The following RBMX variants were observed in gnomAD, a reference collection of about 807,000 sequenced individuals.
RBMX encodes RNA-binding motif protein, X chromosome.
In RBMX, 1 loss-of-function variant was observed where a neutral mutation model predicts 29.3. That is an observed-to-expected ratio of 0.03 (90% CI 0.01 to 0.16). The LOEUF is 0.16. Ranked by LOEUF, RBMX falls within the 10% of genes least tolerant of loss-of-function variation. The probability of loss-of-function intolerance (pLI) is 1.00; values close to 1 mark genes in which losing one functional copy is unlikely to be tolerated. For missense variants in RBMX, 121 were observed against 333.2 expected, an observed-to-expected ratio of 0.36 and a Z score of 4.96; for synonymous variants, 102 against 102.3, an observed-to-expected ratio of 1.00 and a Z score of 0.02.
At chrX:136,870,229 C>A (rs1274487216), downstream of RBMX, 6 of 112,368 alleles carry the variant, frequency 5.3e-5, no homozygotes, top group Non-Finnish European at 1.1e-4. Context: ...TCCATTTGGT[C>A]AATTACTTGC....
At chrX:136,879,658 TTAA>T (rs1379007982) in intron 1 of RBMX, among the ~76,000 whole-genome samples, 21 of 112,053 alleles carry the variant, frequency 1.9e-4, no homozygotes, top group Non-Finnish European at 3.8e-4. Context: ...ATAAAACTGG[TTAA>T]AAGGGCCAAC....
At chrX:136,880,563 C>T (rs1174341525) in intron 1 of RBMX, 34 bp downstream of exon 1, 1 of 113,442 alleles carries the variant, frequency 8.8e-6, no homozygotes, top group Non-Finnish European at 1.9e-5. Context: ...GGGAGAGTGT[C>T]ACGAAAAACG....
chrX:136,878,285 A>C (rs894890960), intron 3 of RBMX, among the ~76,000 whole-genome samples, 199 bp from the exon 4 acceptor site: 1 of 110,994 alleles, frequency 9.0e-6, no homozygotes, highest in African/African-American at 3.3e-5. Context: ...CTTAAAACCG[A>C]TACTGATGAT....
chrX:136,871,443 C>CAA (rs113464554), downstream of RBMX, among the ~76,000 whole-genome samples: 5 of 58,233 alleles, frequency 8.6e-5, no homozygotes, highest in South Asian at 3.3e-3. Flanking sequence ...GACTCCGTCT[C>CAA]AAAAAAAAAA....
chrX:136,875,060 C>T (rs1347848607), intron 8 of RBMX, 26 bp downstream of exon 8: 1 of 1,207,339 alleles, frequency 8.3e-7, no homozygotes, highest in Non-Finnish European at 1.1e-6. Context: ...GCTGGTGATA[C>T]TAAAGACCCT....
chrX:136,874,946 A>C, intron 8 of RBMX, 140 bp downstream of exon 8: 5 of 1,053,379 alleles, frequency 4.7e-6, no homozygotes, highest in Non-Finnish European at 6.2e-6. Context: ...CAAAACTAGG[A>C]AAAGCCCAGC....
Position 136,873,598 on chromosome X carries a change from T to C in RBMX, c.*544A>G, listed in dbSNP as rs1477657927. On this transcript the variant is annotated 3_prime_UTR_variant, in exon 9 of 9. Coordinates refer to ENST00000320676, the MANE Select transcript of RBMX (RefSeq NM_002139.4). ...CAGAAAGGCAAAATGGCCAGCATTA[T>C]CCATTTGCTTTTTTGGGTTTACTGG... is the stretch of plus-strand genomic sequence containing the variant. 1 of 755,732 alleles carries C rather than the reference T, an allele frequency of 1.3e-6. No homozygotes were observed. Among genetic ancestry groups the C allele is most frequent in the African/African-American group, 2.3e-5 (1 of 44,024 alleles). 62.3% of individuals were successfully genotyped at this position (755,732 alleles called of 1,213,427 possible).
At chrX:136,870,784 CAAAAAAAAAAAAAGAAAAAGAAAA>C (rs1407323888), downstream of RBMX, among the ~76,000 whole-genome samples, 38 of 45,041 alleles carry the variant, frequency 8.4e-4, no homozygotes, top group African/African-American at 3.3e-3. Flanking sequence ...GAAGCCATCT[CAAAAAAAAAAAAAGAAAAAGAAAA>C]AAAGAAAAAA....
In RBMX at chrX:136,876,466, C is replaced by T. The variant is rs202063169; in HGVS notation, c.541+37G>A. 8.0e-6 allele frequency: 9 copies of T among 1,130,853 alleles called. No homozygotes were observed. In the South Asian group the frequency reaches 1.3e-4, roughly 16 times the overall value. 93.2% of individuals were successfully genotyped at this position (1,130,853 alleles called of 1,213,427 possible). On this transcript the variant is annotated intron_variant, in intron 5 of 8. Coordinates refer to ENST00000320676, the MANE Select transcript of RBMX (RefSeq NM_002139.4). Reference sequence around the variant, plus strand: ...ATTCACCTCTCAATTCTTTGTGTTACGGTAGTAGCATAAATCATCATACAT... The same window carrying T: ...ATTCACCTCTCAATTCTTTGTGTTATGGTAGTAGCATAAATCATCATACAT...
Position 136,874,275 on chromosome X carries a change from C to T in RBMX, c.1043G>A (p.Gly348Glu). Residue 348 changes from glycine to glutamate, a missense_variant, in exon 9 of 9, where the codon GGG (glycine) becomes GAG (glutamate). Around this residue, in one of 2 missense-constraint regions of RBMX, gnomAD observed 114 missense variants for 260.0 expected, o/e 0.44. Transcript: ENST00000320676. ...CCCCCTTTCCATAGAAGGGGGAAGC[C>T]CTCTTTCTTGTCTGCCAACCCGATC... ...GRDRVGRQER[G>E]LPPSMERGYP... 1 of 1,212,811 alleles carries T rather than the reference C, an allele frequency of 8.2e-7. No individual in the cohort carries two copies. Among genetic ancestry groups the T allele is most frequent in the Non-Finnish European group, 1.1e-6 (1 of 895,652 alleles).
At chrX:136,878,331 T>C (rs1374576972) in intron 3 of RBMX, among the ~76,000 whole-genome samples, 1 of 111,266 alleles carries the variant, frequency 9.0e-6, no homozygotes, top group African/African-American at 3.3e-5. Context: ...ACTGCATTAT[T>C]GTATGGTAAA....
Position 136,876,497 on chromosome X carries a change from AT to A in RBMX, c.541+5del, listed in dbSNP as rs767564864. 2 of 1,168,724 alleles carry A rather than the reference AT, an allele frequency of 1.7e-6. No homozygotes were observed. The highest frequency in any genetic ancestry group is 2.3e-6 in the Non-Finnish European group (2 of 877,812). ...TAGCATAAATCATCATACATGGAACATTTACCTCTTCCTCCCATTCCACTGC... is the reference window on the plus strand; with the variant it reads ...TAGCATAAATCATCATACATGGAACATTACCTCTTCCTCCCATTCCACTGC... On this transcript the variant is annotated splice_donor_5th_base_variant and intron_variant, in intron 5 of 8. Transcript: ENST00000320676.
intron 3 of RBMX, among the ~76,000 whole-genome samples, chrX:136,878,811 C>A (rs190583712): frequency 2.8e-5 from 3 of 108,532 alleles, no homozygotes; most frequent in Admixed American, 2.0e-4. Context: ...ATGTTACGAG[C>A]ATAAGATATA....
intron 4 of RBMX, among the ~76,000 whole-genome samples, chrX:136,877,328 A>ACCCCCCCC (rs765225668): frequency 7.9e-5 from 2 of 25,330 alleles, no homozygotes; most frequent in African/African-American, 1.3e-4. Flanking sequence ...GCTAAACTCT[A>ACCCCCCCC]CCCCCCCCCC....
At chrX:136,873,053 A>G (rs1706352934), downstream of RBMX, 1 of 110,387 alleles carries the variant, frequency 9.1e-6, no homozygotes, top group Non-Finnish European at 1.9e-5. Context: ...ATGCTTTAAA[A>G]AAAAAAAAAA....
At chrX:136,879,721 G>A (rs1216913789) in intron 1 of RBMX, among the ~76,000 whole-genome samples, 1 of 111,679 alleles carries the variant, frequency 9.0e-6, no homozygotes, top group African/African-American at 3.3e-5. Context: ...TTAAGCAACA[G>A]CTGCTTAACA....
chrX:136,879,587 T>G, intron 1 of RBMX, 134 bp from the exon 2 acceptor site: 1 of 557,114 alleles, frequency 1.8e-6, no homozygotes, highest in Admixed American at 3.9e-5. Flanking sequence ...GATAACGAGC[T>G]AAGCCTCAGC....
intron 8 of RBMX, 142 bp downstream of exon 8, chrX:136,874,944 G>T: frequency 4.8e-6 from 5 of 1,048,022 alleles, no homozygotes; most frequent in Non-Finnish European, 6.2e-6. Context: ...CACAAAACTA[G>T]GAAAAGCCCA....
chrX:136,874,501 A>G, intron 8 of RBMX, 49 bp from the exon 9 acceptor site: 2 of 1,149,992 alleles, frequency 1.7e-6, no homozygotes, highest in Non-Finnish European at 2.4e-6. Context: ...AATTGTATAT[A>G]TACAACATTT....
Sources: allele counts gnomAD v4.1 joint callset (sites outside exome capture counted in the v4.1 genomes callset), GRCh38; gene constraint gnomAD v4.1.1; regional missense constraint gnomAD v4.1.1; transcripts MANE v1.5; gene names NCBI Gene and HGNC (gene_info 2026-07-23, HGNC 2026-07-21).